MSR1: variants seen among roughly 807,000 people sequenced by gnomAD.
MSR1 encodes the protein macrophage scavenger receptor 1.
Under a neutral mutation model 47.2 loss-of-function variants are expected in MSR1, and 53 were observed. The ratio of observed to expected loss-of-function variants is 1.12; its 90% confidence interval spans 0.90 to 1.41. The LOEUF (loss-of-function observed/expected upper bound fraction) is 1.41. MSR1 is among the 40% of genes most tolerant of loss of function. The pLI is 0.00. For synonymous variants in MSR1, 239 were observed against 185.6 expected (o/e 1.29, Z -2.34); for missense variants, 786 against 546.9 (o/e 1.44, Z -4.36).
At position 16,162,573 on chromosome 8, in the gene MSR1, A is replaced by C. The variant is rs191087549; in HGVS notation, c.817+1492T>G. On this transcript the variant is annotated intron_variant, in intron 5 of 9. Coordinates refer to ENST00000262101, the MANE Select transcript of MSR1 (RefSeq NM_138715.3). ...AAGATGGTTGTAGATAAAGAAAGGC[A>C]GATTTATTAACAAAAGCAGGAAAAT... Among the ~76,000 whole-genome samples, 3 of 152,186 alleles carry C rather than the reference A, an allele frequency of 2.0e-5. No homozygotes were observed. In the East Asian group the frequency reaches 5.8e-4, roughly 29 times the overall value.
At chr8:16,127,753 C>T (rs970359114) in intron 8 of MSR1, among the ~76,000 whole-genome samples, 6 of 152,146 alleles carry the variant, frequency 3.9e-5, no homozygotes, top group East Asian at 1.9e-4. Context: ...TCCTGCTATG[C>T]CTGAAGCCAT....
Position 16,169,691 on chromosome 8 carries a change from T to C in MSR1, c.218-821A>G, listed in dbSNP as rs569479304. 2.0e-5 allele frequency among the ~76,000 whole-genome samples: 3 copies of C among 152,128 alleles called. No individual in the cohort carries two copies. The South Asian group carries it at 6.2e-4, about 32-fold the overall frequency. On this transcript the variant is annotated intron_variant, in intron 3 of 9. Coordinates refer to ENST00000262101, the MANE Select transcript of MSR1 (RefSeq NM_138715.3). ...TTTAAACAATCTGGAAACAACTTTT[T>C]AATGTAATGCTCTATCATAAGTACT...
chr8:16,171,293 TAA>T (rs1316850174), intron 3 of MSR1, among the ~76,000 whole-genome samples: 3 of 151,580 alleles, frequency 2.0e-5, no homozygotes, highest in Admixed American at 6.6e-5. Flanking sequence ...ATTATTACAT[TAA>T]GAGTGTCATC....
intron 8 of MSR1, among the ~76,000 whole-genome samples, chr8:16,123,315 C>G (rs1350049513): frequency 1.3e-5 from 2 of 152,130 alleles, no homozygotes; most frequent in East Asian, 3.9e-4. Flanking sequence ...TCAGTAGACT[C>G]ATTTGAGAGT....
chr8:16,161,405 G>A (rs548119265), intron 5 of MSR1, among the ~76,000 whole-genome samples: 2 of 152,038 alleles, frequency 1.3e-5, no homozygotes, highest in South Asian at 4.2e-4. Flanking sequence ...ACATTTATTT[G>A]AAATCCAAAG....
At chr8:16,142,189 G>T (rs1800576579) in intron 8 of MSR1, among the ~76,000 whole-genome samples, 1 of 151,942 alleles carries the variant, frequency 6.6e-6, no homozygotes, top group Non-Finnish European at 1.5e-5. Flanking sequence ...TTAGCTGGGT[G>T]TGGTGGCATG....
intron 6 of MSR1, among the ~76,000 whole-genome samples, chr8:16,150,564 G>A (rs1800827564): frequency 1.3e-5 from 2 of 151,954 alleles, no homozygotes; most frequent in Admixed American, 1.3e-4. Context: ...AAGCACATTA[G>A]GAAAAATAGA....
intron 8 of MSR1, among the ~76,000 whole-genome samples, chr8:16,121,392 C>T (rs901764731): frequency 6.6e-6 from 1 of 151,998 alleles, no homozygotes; most frequent in Admixed American, 6.6e-5. Flanking sequence ...GATCATGCTA[C>T]AGAAAGATTT....
chr8:16,147,790 A>G (rs1800740848), intron 7 of MSR1, among the ~76,000 whole-genome samples: 1 of 152,058 alleles, frequency 6.6e-6, no homozygotes, highest in African/African-American at 2.4e-5. Flanking sequence ...TGTCCTAAGG[A>G]TATGTTTTGT....
chr8:16,109,656 A>G lies in MSR1; in HGVS notation c.*429T>C, dbSNP rs1021525325. ...AGATTTTGCAATCTAGGCACAAAAGATATCTTCTGATCCCTTCCGTTATTC... is the reference window on the plus strand; with the variant it reads ...AGATTTTGCAATCTAGGCACAAAAGGTATCTTCTGATCCCTTCCGTTATTC... On this transcript the variant is annotated 3_prime_UTR_variant, in exon 10 of 10. Transcript: ENST00000262101. The G allele has an allele frequency of 1.4e-4, 25 of 181,712 alleles. No individual in the cohort carries two copies. Among genetic ancestry groups the G allele is most frequent in the African/African-American group, 1.7e-4 (7 of 41,868 alleles). The allele number at this position is 181,712 out of a possible 1,614,324, so 11.3% of individuals were successfully genotyped here.
intron 4 of MSR1, among the ~76,000 whole-genome samples, chr8:16,167,268 G>C (rs1443849274): frequency 6.6e-6 from 1 of 152,102 alleles, no homozygotes; most frequent in East Asian, 1.9e-4. Context: ...GGTCAGCCAG[G>C]CGCAGTGGTT....
At chr8:16,152,760 A>T (rs1361048184) in intron 6 of MSR1, among the ~76,000 whole-genome samples, 2 of 152,074 alleles carry the variant, frequency 1.3e-5, no homozygotes, top group East Asian at 1.9e-4. Flanking sequence ...CACATGAGAT[A>T]AAAAATCCTT....
intron 3 of MSR1, among the ~76,000 whole-genome samples, chr8:16,174,800 A>G (rs1485620121): frequency 6.6e-6 from 1 of 152,062 alleles, no homozygotes; most frequent in African/African-American, 2.4e-5. Context: ...TATTATAGCT[A>G]TTGTTAATGT....
intron 1 of MSR1, among the ~76,000 whole-genome samples, chr8:16,191,772 A>G (rs143661709): frequency 5.3e-5 from 8 of 152,278 alleles, no homozygotes; most frequent in African/African-American, 1.4e-4. Context: ...TGGTTTTTCT[A>G]TAAGTATTTT....
intron 5 of MSR1, among the ~76,000 whole-genome samples, 158 bp from the exon 6 acceptor site, chr8:16,155,302 C>T (rs939532581): frequency 2.0e-5 from 3 of 151,896 alleles, no homozygotes; most frequent in African/African-American, 7.2e-5. Context: ...GAGGAGTATT[C>T]TGCTATTCAG....
intron 8 of MSR1, chr8:16,139,769 AAAAAAATATATATATATATATATATATAT>A (rs1800493669): frequency 1.6e-5 from 1 of 64,012 alleles, no homozygotes; most frequent in African/African-American, 9.5e-5. Context: ...AAAAAAAAAA[AAAAAAATATATATATATATATATATATAT>A]ATATATATAT....
At chr8:16,169,604 C>T (rs1456474214) in intron 3 of MSR1, among the ~76,000 whole-genome samples, 1 of 152,078 alleles carries the variant, frequency 6.6e-6, no homozygotes, top group African/African-American at 2.4e-5. Flanking sequence ...CTAGCTTAAA[C>T]TCTAGGATTT....
At chr8:16,156,694 T>C (rs1221347990) in intron 5 of MSR1, among the ~76,000 whole-genome samples, 3 of 151,204 alleles carry the variant, frequency 2.0e-5, no homozygotes, top group Non-Finnish European at 2.9e-5. Flanking sequence ...CTTTCCTAAG[T>C]GTGTACGTGT....
intron 1 of MSR1, among the ~76,000 whole-genome samples, chr8:16,180,923 G>C (rs1427359383): frequency 6.6e-6 from 1 of 152,060 alleles, no homozygotes; most frequent in African/African-American, 2.4e-5. Context: ...AATGAAGGGA[G>C]GTAGGCATAG....
Sources: allele counts gnomAD v4.1 joint callset (sites outside exome capture counted in the v4.1 genomes callset), GRCh38; gene constraint gnomAD v4.1.1; transcripts MANE v1.5; gene names NCBI Gene and HGNC (gene_info 2026-07-23, HGNC 2026-07-21).